Variants in C19orf18 observed in about 807,000 individuals in gnomAD.
C19orf18 encodes the protein uncharacterized protein C19orf18.
Under a neutral mutation model 23.3 loss-of-function variants are expected in C19orf18, and 21 were observed. The ratio of observed to expected loss-of-function variants is 0.90; its 90% CI spans 0.64 to 1.30. The LOEUF is 1.30. C19orf18 is among the 50% of genes most tolerant of loss of function. The pLI is 0.00. For missense variants in C19orf18, 249 were observed against 259.6 expected (o/e 0.96, Z 0.28); for synonymous variants, 96 against 95.2 (o/e 1.01, Z -0.05).
At chr19:57,966,823 G>C (rs2072911926) in intron 3 of C19orf18, among the ~76,000 whole-genome samples, 191 bp from the exon 4 acceptor site, 1 of 151,932 alleles carries the variant, frequency 6.6e-6, no homozygotes, top group African/African-American at 2.4e-5. Flanking sequence ...CCAGGCTGGA[G>C]TGCAGTGCAT....
intron 5 of C19orf18, among the ~76,000 whole-genome samples, chr19:57,960,704 AGTTT>A (rs2072863184): frequency 6.6e-6 from 1 of 152,122 alleles, no homozygotes; most frequent in African/African-American, 2.4e-5. Flanking sequence ...TGCTGGGAAA[AGTTT>A]GTTTCCTGAA....
chr19:57,967,705 T>C (rs1276099019), intron 3 of C19orf18, among the ~76,000 whole-genome samples: 1 of 150,582 alleles, frequency 6.6e-6, no homozygotes, highest in African/African-American at 2.5e-5. Flanking sequence ...GGAGGTGAGA[T>C]TGCGCCATTA....
intron 4 of C19orf18, among the ~76,000 whole-genome samples, chr19:57,963,582 C>T (rs1384846693): frequency 6.6e-6 from 1 of 151,926 alleles, no homozygotes; most frequent in Non-Finnish European, 1.5e-5. Flanking sequence ...AAAGTCACAA[C>T]ATTAAGTTTA....
Position 57,962,959 on chromosome 19 carries a change from C to T in C19orf18, c.372-1408G>A, listed in dbSNP as rs189714994. On this transcript the variant is annotated intron_variant, in intron 4 of 5. Coordinates refer to ENST00000314391, the MANE Select transcript of C19orf18 (RefSeq NM_152474.5). ...ATTTGAGTGACAAAAGGGAGGTGCT[C>T]GCCTCAGTGCGAAATGTAAGGAGGT... Among the ~76,000 whole-genome samples the T allele has an allele frequency of 3.5e-3, 538 of 151,860 alleles. 1 individual carries two copies. Among genetic ancestry groups the T allele is most frequent in the South Asian group, 0.021 (103 of 4,812 alleles).
At chr19:57,969,146 T>C (rs1202625152) in intron 3 of C19orf18, among the ~76,000 whole-genome samples, 1 of 152,140 alleles carries the variant, frequency 6.6e-6, no homozygotes, top group Non-Finnish European at 1.5e-5. Context: ...TGTCTCCTGT[T>C]TCCAGGAATC....
At chr19:57,959,797 AAAAAAAAAAAAAAAG>A (rs1245632891) in intron 5 of C19orf18, among the ~76,000 whole-genome samples, 1 of 146,580 alleles carries the variant, frequency 6.8e-6, no homozygotes, top group African/African-American at 2.5e-5. Flanking sequence ...TCTGCCTCAA[AAAAAAAAAAAAAAAG>A]AAAAAAGAAA....
chr19:57,963,685 A>G (rs1377455872), intron 4 of C19orf18, among the ~76,000 whole-genome samples: 1 of 152,090 alleles, frequency 6.6e-6, no homozygotes, highest in African/African-American at 2.4e-5. Context: ...CAGGAGATTG[A>G]GACCATCCTG....
chr19:57,964,511 A>G (rs1193765458), intron 4 of C19orf18, among the ~76,000 whole-genome samples: 2 of 152,116 alleles, frequency 1.3e-5, no homozygotes, highest in Non-Finnish European at 2.9e-5. Flanking sequence ...CAAACACCTG[A>G]GCTTAAGGGA....
rs935883376 is a variant in C19orf18 at position 57,966,603 on chromosome 19, T to A, written c.298A>T (p.Lys100Ter). 4 of 1,613,038 alleles carry A rather than the reference T, an allele frequency of 2.5e-6. No individual in the cohort carries two copies. The highest frequency in any genetic ancestry group is 3.4e-6 in the Non-Finnish European group (4 of 1,179,326). ...AIIRHRPALVKVILISSVAFS... is the reference protein window; with the variant it reads ...AIIRHRPALV ...GCTACGCTCGAAATTAAAATTACTT[T>A]AACAAGAGCAGGTCTATGCCGAATT... The change falls in exon 4 of 6, where the codon AAA becomes TAA. Residue 100 changes from lysine to a stop codon, truncating the protein, a stop_gained. Coordinates refer to ENST00000314391, the MANE Select transcript of C19orf18 (RefSeq NM_152474.5). LOFTEE classifies it high-confidence loss of function.
intron 5 of C19orf18, among the ~76,000 whole-genome samples, chr19:57,961,031 C>T (rs544777875): frequency 6.6e-6 from 1 of 152,104 alleles, no homozygotes; most frequent in South Asian, 2.1e-4. Flanking sequence ...AGCTGCCTTC[C>T]GAGACCATCC....
intron 4 of C19orf18, among the ~76,000 whole-genome samples, chr19:57,963,920 A>G (rs992862182): frequency 6.6e-6 from 1 of 152,126 alleles, no homozygotes; most frequent in African/African-American, 2.4e-5. Flanking sequence ...TAAATATTTT[A>G]TCTCTACCCT....
At position 57,958,686 on chromosome 19, in the gene C19orf18, CTTAATA is replaced by C; in HGVS notation, c.558_563del (p.Asn186_Ile187del). The C allele has an allele frequency of 6.3e-7, 1 of 1,597,646 alleles. No homozygotes were observed. Among genetic ancestry groups the C allele is most frequent in the Non-Finnish European group, 8.5e-7 (1 of 1,171,386 alleles). ...AGTTTTGCTCTTCCTTCAGTTTCTT[CTTAATA>C]TTTTTGCTTCTTTTTGATATAATAA... On this transcript the variant is annotated inframe_deletion, in exon 6 of 6. Coordinates refer to ENST00000314391, the MANE Select transcript of C19orf18 (RefSeq NM_152474.5).
intron 3 of C19orf18, among the ~76,000 whole-genome samples, chr19:57,970,295 T>C (rs1009425841): frequency 6.6e-6 from 1 of 152,168 alleles, no homozygotes; most frequent in African/African-American, 2.4e-5. Flanking sequence ...CCTTGGAACG[T>C]TGCCGTCTAT....
intron 3 of C19orf18, among the ~76,000 whole-genome samples, chr19:57,969,191 T>A (rs577369343): frequency 6.6e-6 from 1 of 152,100 alleles, no homozygotes; most frequent in South Asian, 2.1e-4. Context: ...TGAAGATCAT[T>A]TGCATGTCTG....
At chr19:57,973,102 G>A (rs1333105153) in intron 2 of C19orf18, among the ~76,000 whole-genome samples, 1 of 127,734 alleles carries the variant, frequency 7.8e-6, no homozygotes, top group African/African-American at 2.9e-5. Flanking sequence ...AGCCGAGATT[G>A]CGCCACTGCA....
chr19:57,967,919 G>A (rs889419218), intron 3 of C19orf18, among the ~76,000 whole-genome samples: 1 of 152,142 alleles, frequency 6.6e-6, no homozygotes, highest in African/African-American at 2.4e-5. Flanking sequence ...GGCTGAGGCA[G>A]GAGAATCACT....
intron 3 of C19orf18, 101 bp downstream of exon 3, chr19:57,972,362 G>T: frequency 7.2e-7 from 1 of 1,390,228 alleles, no homozygotes; most frequent in Middle Eastern, 2.2e-4. Context: ...CACCACGTGT[G>T]CAGGCTCCTT....
At chr19:57,972,620 A>G in intron 2 of C19orf18, 116 bp from the exon 3 acceptor site, 1 of 1,136,102 alleles carries the variant, frequency 8.8e-7, no homozygotes, top group South Asian at 1.4e-5. Context: ...CACAGCTTCC[A>G]AATATCTAAG....
At chr19:57,961,193 C>T in intron 5 of C19orf18, among the ~76,000 whole-genome samples, 198 bp downstream of exon 5, 1 of 151,282 alleles carries the variant, frequency 6.6e-6, no homozygotes, top group Non-Finnish European at 1.5e-5. Flanking sequence ...AGAGATCGCG[C>T]CACTGCACTC....
Sources: gnomAD v4.1 joint callset for allele counts (sites outside exome capture counted in the v4.1 genomes callset) on GRCh38, gnomAD v4.1.1 for gene constraint, MANE v1.5 for transcripts, NCBI Gene and HGNC (gene_info 2026-07-23, HGNC 2026-07-21) for gene names.